ATP6V0A1: variants seen among roughly 807,000 people sequenced by gnomAD.
The protein encoded by ATP6V0A1 is V-type proton ATPase 116 kDa subunit a 1.
Under a neutral mutation model 105.4 loss-of-function variants are expected in ATP6V0A1, and 43 were observed. The observed-to-expected ratio is 0.41, with a 90% CI of 0.32 to 0.53. The LOEUF (loss-of-function observed/expected upper bound fraction) is 0.53, where lower values mean the gene tolerates loss of function less well. Among genes scored for constraint, ATP6V0A1 ranks in the 20% least tolerant of loss-of-function variants. The pLI, the probability that ATP6V0A1 is intolerant of heterozygous loss-of-function variation, is 0.30. For synonymous variants in ATP6V0A1, 362 were observed against 372.8 expected (o/e 0.97, Z 0.33); for missense variants, 676 against 1,051.1 (o/e 0.64, Z 4.93).
chr17:42,464,307 T>C (rs949877153), intron 2 of ATP6V0A1, among the ~76,000 whole-genome samples: 2 of 152,238 alleles, frequency 1.3e-5, no homozygotes, highest in African/African-American at 2.4e-5. Context: ...TAATTGCTAA[T>C]AAAAATTTTT....
chr17:42,495,683 G>A lies in ATP6V0A1; in HGVS notation c.1527G>A (p.Val509=). The change falls in exon 14 of 22, where the codon GTG becomes GTA. Residue 509 remains valine (V), a synonymous_variant. Coordinates refer to ENST00000343619, the MANE Select transcript of ATP6V0A1 (RefSeq NM_001130021.3). ...VLQLNPALPG[V]FGGPYPFGID... is the part of the protein sequence containing the mutation. ...AGCTGAACCCAGCCCTCCCTGGAGT[G>A]TTTGGTGGACCATACCCTTTTGGCA... 1 of 1,614,126 alleles carries A rather than the reference G, an allele frequency of 6.2e-7. No homozygotes were observed. Among genetic ancestry groups the A allele is most frequent in the Admixed American group, 1.7e-5 (1 of 60,022 alleles).
chr17:42,460,000 A>G (rs1391680009), intron 1 of ATP6V0A1, among the ~76,000 whole-genome samples: 1 of 152,212 alleles, frequency 6.6e-6, no homozygotes, highest in Non-Finnish European at 1.5e-5. Flanking sequence ...TTGCAGTTTC[A>G]GGACCACTGA....
intron 2 of ATP6V0A1, among the ~76,000 whole-genome samples, chr17:42,462,998 CTTT>C (rs35135162): frequency 1.5e-5 from 1 of 66,174 alleles, no homozygotes; most frequent in Non-Finnish European, 2.6e-5. Flanking sequence ...GGATATGGAA[CTTT>C]TTTTTTTTTT....
At chr17:42,483,229 G>A (rs2089740014) in intron 9 of ATP6V0A1, 98 bp downstream of exon 9, 1 of 913,388 alleles carries the variant, frequency 1.1e-6, no homozygotes, top group Non-Finnish European at 1.5e-6. Context: ...GGTACCTGTA[G>A]CAAACCAGGA....
Position 42,501,214 on chromosome 17 carries a change from C to G in ATP6V0A1, c.1914C>G (p.Phe638Leu). 6.2e-7 allele frequency: 1 copy of G among 1,613,574 alleles called. No individual in the cohort carries two copies. Residue 638 changes from phenylalanine to leucine, a missense_variant, in exon 17 of 22, where the codon TTC (phenylalanine) becomes TTG (leucine). Phe to Leu is a conservative substitution (Grantham distance 22). Transcript: ENST00000343619. ...LYSGQKGIQC[F>L]LVVVALLCVP... The stretch of plus-strand genomic sequence containing the variant: ...CTCTGCAGAAAGGAATTCAGTGTTT[C>G]CTGGTAGTGGTTGCACTACTGTGTG...
chr17:42,460,946 C>T lies in ATP6V0A1; in HGVS notation c.52C>T (p.Gln18Ter). ...AATGACACTGGCCCAGCTTTTTCTA[C>T]AGTCAGAGGCTGCTTATTGTTGTGT... ...EEMTLAQLFL[Q>*]SEAAYCCVSE... is the part of the protein sequence containing the mutation. The change falls in exon 2 of 22, where the codon CAG becomes TAG. Residue 18 changes from glutamine (Q) to a stop codon, truncating the protein, a stop_gained. Transcript: ENST00000343619. LOFTEE classifies it high-confidence loss of function. 1.2e-6 allele frequency: 2 copies of T among 1,614,102 alleles called. No homozygotes were observed. Among genetic ancestry groups the T allele is most frequent in the Non-Finnish European group, 1.7e-6 (2 of 1,179,976 alleles).
chr17:42,509,629 G>A (rs183820545), intron 19 of ATP6V0A1, among the ~76,000 whole-genome samples: 3 of 152,340 alleles, frequency 2.0e-5, no homozygotes, highest in East Asian at 1.9e-4. Context: ...TGGGTGGGGC[G>A]TGCTCCATGT....
intron 7 of ATP6V0A1, among the ~76,000 whole-genome samples, chr17:42,480,036 T>C (rs1389230451): frequency 6.6e-6 from 1 of 152,216 alleles, no homozygotes; most frequent in East Asian, 1.9e-4. Flanking sequence ...TTATAAAAGC[T>C]CTACATGCTG....
chr17:42,520,426 T>G (rs1048516238), intron 21 of ATP6V0A1: 15 of 456,526 alleles, frequency 3.3e-5, no homozygotes, highest in African/African-American at 2.6e-4. Context: ...TCAGGCTTTT[T>G]CTTTTTAGTC....
At chr17:42,467,937 A>T in intron 3 of ATP6V0A1, 73 bp from the exon 4 acceptor site, 1 of 983,334 alleles carries the variant, frequency 1.0e-6, no homozygotes, top group Non-Finnish European at 1.5e-6. Context: ...TTAGATGTTA[A>T]TTCTTTTCCT....
intron 15 of ATP6V0A1, among the ~76,000 whole-genome samples, chr17:42,500,068 T>A (rs2091539354): frequency 8.1e-6 from 1 of 123,078 alleles, no homozygotes; most frequent in Non-Finnish European, 1.6e-5. Flanking sequence ...AAAGACCCCA[T>A]CTCTACAAAA....
chr17:42,514,008 CTA>C lies in ATP6V0A1; in HGVS notation c.2248+31_2248+32del, dbSNP rs755531265. 5.0e-6 allele frequency: 8 copies of C among 1,595,074 alleles called. No homozygotes were observed. The African/African-American group carries it at 1.1e-4, about 21-fold the overall frequency. On this transcript the variant is annotated intron_variant, in intron 20 of 21. Coordinates refer to ENST00000343619, the MANE Select transcript of ATP6V0A1 (RefSeq NM_001130021.3). ...GTACCTCTCTCCGGGCTCCGGAACT[CTA>C]GTTTCCCCCTCTGTGGGCGCACTGT...
At chr17:42,511,232 C>T (rs960638090) in intron 19 of ATP6V0A1, 4 of 152,318 alleles carry the variant, frequency 2.6e-5, no homozygotes, top group African/African-American at 4.8e-5. Context: ...CAGAGAGCAT[C>T]GGCATTTAAG....
At chr17:42,493,560 C>T (rs1376725678) in intron 11 of ATP6V0A1, among the ~76,000 whole-genome samples, 4 of 152,152 alleles carry the variant, frequency 2.6e-5, no homozygotes, top group Non-Finnish European at 5.9e-5. Context: ...ATTCAGGAGG[C>T]TGAGGTGGGA....
At chr17:42,484,669 T>C (rs1202618200) in intron 9 of ATP6V0A1, among the ~76,000 whole-genome samples, 1 of 152,098 alleles carries the variant, frequency 6.6e-6, no homozygotes, top group East Asian at 1.9e-4. Context: ...GAACTGTGTG[T>C]ACATGGAAGG....
chr17:42,516,583 C>G (rs1169217971), intron 21 of ATP6V0A1, among the ~76,000 whole-genome samples: 1 of 152,198 alleles, frequency 6.6e-6, no homozygotes, highest in Non-Finnish European at 1.5e-5. Context: ...GTCTCTTGAG[C>G]CCTGGGTTTG....
chr17:42,480,030 A>T (rs973165048), intron 7 of ATP6V0A1, among the ~76,000 whole-genome samples: 1 of 152,216 alleles, frequency 6.6e-6, no homozygotes, highest in Non-Finnish European at 1.5e-5. Flanking sequence ...TTGTTATTAT[A>T]AAAGCTCTAC....
intron 2 of ATP6V0A1, among the ~76,000 whole-genome samples, chr17:42,464,972 T>C (rs1339350130): frequency 6.6e-6 from 1 of 152,002 alleles, no homozygotes; most frequent in African/African-American, 2.4e-5. Flanking sequence ...GATTGCAAGC[T>C]TTTTATTTAA....
chr17:42,474,539 T>C (rs935615281), intron 5 of ATP6V0A1, among the ~76,000 whole-genome samples: 14 of 152,182 alleles, frequency 9.2e-5, no homozygotes, highest in African/African-American at 3.1e-4. Flanking sequence ...TGCTGCTGCG[T>C]AGCAGCAGGC....
Sources: gnomAD v4.1 joint callset for allele counts (sites outside exome capture counted in the v4.1 genomes callset) on GRCh38, gnomAD v4.1.1 for gene constraint, MANE v1.5 for transcripts, NCBI Gene and HGNC (gene_info 2026-07-23, HGNC 2026-07-21) for gene names.